The following S100Z variants were observed in gnomAD, a reference collection of about 807,000 sequenced individuals.
S100Z encodes the protein S100 calcium binding protein Z, also known as protein S100-Z.
S100Z carries 11 observed loss-of-function variants against 8.5 expected under a neutral mutation model. The ratio of observed to expected loss-of-function variants is 1.30; its 90% CI spans 0.82 to 2.15. S100Z has a LOEUF of 2.15. Ranked by LOEUF, S100Z falls within the 30% of genes most tolerant of loss-of-function variation. The pLI, the probability that S100Z is intolerant of heterozygous loss-of-function variation, is 0.00. For synonymous variants in S100Z, 34 were observed against 43.8 expected (o/e 0.78, Z 0.89); for missense variants, 126 against 117.9 (o/e 1.07, Z -0.32).
intron 4 of S100Z, among the ~76,000 whole-genome samples, chr5:76,879,791 C>T (rs12517004): frequency 0.56 from 84,910 of 151,882 alleles, 25,559 homozygotes; most frequent in Non-Finnish European, 0.66. Context: ...AGTGTAGTGT[C>T]TCAGAAGCCT....
intron 1 of S100Z, among the ~76,000 whole-genome samples, chr5:76,863,229 C>T (rs984759915): frequency 9.2e-5 from 14 of 152,186 alleles, no homozygotes; most frequent in Non-Finnish European, 1.9e-4. Context: ...CCTCCAGGGA[C>T]CTTTGACCTC....
At chr5:76,864,594 G>A (rs967578826) in intron 1 of S100Z, among the ~76,000 whole-genome samples, 7 of 151,942 alleles carry the variant, frequency 4.6e-5, no homozygotes, top group South Asian at 4.2e-4. Flanking sequence ...AGTAGAGACA[G>A]GGTTTTGCCA....
chr5:76,910,790 G>A (rs916488491), intron 4 of S100Z, among the ~76,000 whole-genome samples: 10 of 152,166 alleles, frequency 6.6e-5, no homozygotes, highest in East Asian at 1.9e-4. Flanking sequence ...GGACACTGGC[G>A]CGGCCTTCTC....
chr5:76,887,192 G>C (rs1001802772), intron 4 of S100Z, among the ~76,000 whole-genome samples: 1 of 151,316 alleles, frequency 6.6e-6, no homozygotes, highest in African/African-American at 2.4e-5. Context: ...TGCCTCCATG[G>C]TTCAAGCGAT....
At chr5:76,861,767 C>A (rs1751062758) in intron 1 of S100Z, among the ~76,000 whole-genome samples, 2 of 152,230 alleles carry the variant, frequency 1.3e-5, no homozygotes, top group African/African-American at 4.8e-5. Context: ...GATTCATCTA[C>A]TTCATTTGGC....
chr5:76,918,666 G>C (rs1489636580), intron 4 of S100Z, among the ~76,000 whole-genome samples: 1 of 152,152 alleles, frequency 6.6e-6, no homozygotes, highest in Non-Finnish European at 1.5e-5. Flanking sequence ...TGGTATATTT[G>C]TTACAATAGA....
the S100Z span, chr5:76,952,825 A>G: frequency 2.8e-6 from 1 of 352,632 alleles, no homozygotes. Flanking sequence ...CTCATTCTCC[A>G]ACACTTTAGT....
intron 4 of S100Z, among the ~76,000 whole-genome samples, chr5:76,892,781 T>C (rs1268883287): frequency 6.6e-6 from 1 of 152,220 alleles, no homozygotes; most frequent in Non-Finnish European, 1.5e-5. Context: ...TAGTCAACTG[T>C]GCATTCTTCT....
At chr5:76,876,919 T>C (rs10063816) in intron 3 of S100Z, among the ~76,000 whole-genome samples, 82,488 of 151,872 alleles carry the variant, frequency 0.54, 24,035 homozygotes, top group Non-Finnish European at 0.65. Flanking sequence ...GCTTCACAGT[T>C]CCAACCTTCG....
chr5:76,914,725 T>A (rs1404163503), intron 4 of S100Z, among the ~76,000 whole-genome samples: 1 of 152,056 alleles, frequency 6.6e-6, no homozygotes, highest in Non-Finnish European at 1.5e-5. Context: ...CGCGAAGGTC[T>A]GCAGCTTCAC....
chr5:76,891,088 C>T (rs943706634), intron 4 of S100Z, among the ~76,000 whole-genome samples: 9 of 152,140 alleles, frequency 5.9e-5, no homozygotes, highest in African/African-American at 1.7e-4. Context: ...TCTTGAACTC[C>T]TGACCTTAGG....
intron 1 of S100Z, among the ~76,000 whole-genome samples, chr5:76,860,579 A>G (rs1355432589): frequency 6.6e-6 from 1 of 152,132 alleles, no homozygotes; most frequent in African/African-American, 2.4e-5. Flanking sequence ...AAATAATCAG[A>G]TATGCTCCAA....
At chr5:76,944,322 C>T in the S100Z span, among the ~76,000 whole-genome samples, 3 of 152,256 alleles carry the variant, frequency 2.0e-5, no homozygotes, top group Non-Finnish European at 2.9e-5. Flanking sequence ...CTGTTAGGCA[C>T]CTCCCAGGAG....
the S100Z span, among the ~76,000 whole-genome samples, chr5:76,936,913 G>A: frequency 4.9e-4 from 74 of 152,220 alleles, no homozygotes; most frequent in African/African-American, 1.6e-3. Flanking sequence ...TCTCTCCTTC[G>A]TCATTCCTCA....
At chr5:76,851,267 CG>C (rs1342952606) in intron 1 of S100Z, among the ~76,000 whole-genome samples, 7 of 152,058 alleles carry the variant, frequency 4.6e-5, no homozygotes, top group African/African-American at 1.7e-4. Flanking sequence ...GGGCACACTG[CG>C]GGGAGTTTAG....
rs528730888 is a variant in S100Z, at chr5:76,888,911, G to A, written c.*2+11077G>A. 2.5e-4 allele frequency among the ~76,000 whole-genome samples: 38 copies of A among 152,254 alleles called. No individual in the cohort carries two copies. The South Asian group carries it at 6.4e-3, about 26-fold the overall frequency. ...GTCCACCAAACATGGTGATTCTCCC[G>A]CCTTTTTGCCCTTGCCCCACATGTG... On this transcript the variant is annotated intron_variant, in intron 4 of 4. Coordinates refer to ENST00000317593, the MANE Select transcript of S100Z (RefSeq NM_130772.4).
intron 4 of S100Z, among the ~76,000 whole-genome samples, chr5:76,892,270 G>A (rs1311170443): frequency 6.6e-6 from 1 of 152,120 alleles, no homozygotes; most frequent in Non-Finnish European, 1.5e-5. Flanking sequence ...GATGAGATCG[G>A]TAGGATGGTA....
chr5:76,905,376 T>G (rs1744390513), intron 4 of S100Z, among the ~76,000 whole-genome samples: 3 of 152,130 alleles, frequency 2.0e-5, no homozygotes, highest in Admixed American at 2.0e-4. Context: ...GCTCCACATT[T>G]AAATCTATGA....
chr5:76,950,738 A>T, the S100Z span, among the ~76,000 whole-genome samples: 14 of 151,736 alleles, frequency 9.2e-5, no homozygotes, highest in East Asian at 1.9e-4. Flanking sequence ...AACATATTTA[A>T]AAAAAAAATC....
Sources: gnomAD v4.1 joint callset for allele counts (sites outside exome capture counted in the v4.1 genomes callset) on GRCh38, gnomAD v4.1.1 for gene constraint, MANE v1.5 for transcripts, NCBI Gene and HGNC (gene_info 2026-07-23, HGNC 2026-07-21) for gene names.